C16orf74: variants seen among roughly 807,000 people sequenced by gnomAD.
The protein encoded by C16orf74 is calcimembrin.
In C16orf74, 10 loss-of-function variants were observed where a neutral mutation model predicts 6.5. That is an observed-to-expected ratio of 1.54 (90% CI 0.95 to 2.61). The LOEUF (loss-of-function observed/expected upper bound fraction) is 2.61, where lower values mean the gene tolerates loss of function less well. C16orf74 is among the 30% of genes most tolerant of loss of function. The pLI, the probability that C16orf74 is intolerant of heterozygous loss-of-function variation, is 0.00. For missense variants in C16orf74, 141 were observed against 105.9 expected, an observed-to-expected ratio of 1.33 and a Z score of -1.45; for synonymous variants, 60 against 42.5, an observed-to-expected ratio of 1.41 and a Z score of -1.60.
intron 1 of C16orf74, among the ~76,000 whole-genome samples, chr16:85,739,319 C>A (rs945470373): frequency 1.3e-5 from 2 of 152,226 alleles, no homozygotes; most frequent in Non-Finnish European, 2.9e-5. Context: ...ATTTTATCAT[C>A]TATTCCCTTT....
chr16:85,721,912 A>C (rs1164819352), intron 2 of C16orf74, among the ~76,000 whole-genome samples: 1 of 151,742 alleles, frequency 6.6e-6, no homozygotes, highest in African/African-American at 2.4e-5. Context: ...CCTACTGCAA[A>C]GGGGGTTATC....
Position 85,707,817 on chromosome 16 carries a change from G to T in C16orf74, c.*191C>A, listed in dbSNP as rs1276546067. 5.0e-6 allele frequency: 3 copies of T among 594,148 alleles called. No individual in the cohort carries two copies. Among genetic ancestry groups the T allele is most frequent in the East Asian group, 5.8e-5 (2 of 34,326 alleles). The allele number at this position is 594,148 out of a possible 1,614,324, so 36.8% of individuals were successfully genotyped here. Reference sequence around the variant, plus strand: ...GGTCCGGTCCACTCAGCGGGGCCTGGGAAACACTGTTCTGGAAGTGGACAG... The same window carrying T: ...GGTCCGGTCCACTCAGCGGGGCCTGTGAAACACTGTTCTGGAAGTGGACAG... On this transcript the variant is annotated 3_prime_UTR_variant, in exon 4 of 4. Coordinates refer to ENST00000284245, the MANE Select transcript of C16orf74 (RefSeq NM_206967.3).
intron 1 of C16orf74, among the ~76,000 whole-genome samples, chr16:85,746,456 G>T (rs1049932890): frequency 6.6e-6 from 1 of 152,144 alleles, no homozygotes; most frequent in Non-Finnish European, 1.5e-5. Flanking sequence ...GATTTCTAAC[G>T]TCTGGCTGTC....
Position 85,707,856 on chromosome 16 carries a change from C to T in C16orf74, c.*152G>A. 1.6e-6 allele frequency: 1 copy of T among 643,826 alleles called. No individual in the cohort carries two copies. Among genetic ancestry groups the T allele is most frequent in the Non-Finnish European group, 2.7e-6 (1 of 369,352 alleles). 39.9% of individuals were successfully genotyped at this position (643,826 alleles called of 1,614,324 possible). Reference sequence around the variant, plus strand: ...GGAAGTGGACAGGCTGGATTCCTCGCTGGTCCTGCCACGTCTCTCTGAGCG... The same window carrying T: ...GGAAGTGGACAGGCTGGATTCCTCGTTGGTCCTGCCACGTCTCTCTGAGCG... On this transcript the variant is annotated 3_prime_UTR_variant, in exon 4 of 4. Coordinates refer to ENST00000284245, the MANE Select transcript of C16orf74 (RefSeq NM_206967.3).
intron 1 of C16orf74, among the ~76,000 whole-genome samples, chr16:85,746,297 T>C (rs546955395): frequency 6.6e-5 from 10 of 152,236 alleles, no homozygotes; most frequent in African/African-American, 2.4e-4. Flanking sequence ...CTGCAGCTAG[T>C]GGAGATCGCG....
chr16:85,710,939 G>A (rs968672239), intron 2 of C16orf74: 6 of 152,236 alleles, frequency 3.9e-5, no homozygotes, highest in African/African-American at 1.2e-4. Context: ...TGAACACCTG[G>A]AGGACAGTCT....
intron 1 of C16orf74, among the ~76,000 whole-genome samples, chr16:85,744,438 T>G (rs942123662): frequency 6.6e-6 from 1 of 152,020 alleles, no homozygotes; most frequent in Non-Finnish European, 1.5e-5. Flanking sequence ...CATATTGAAT[T>G]GGGCTCTGTT....
chr16:85,751,073 C>G lies in C16orf74; in HGVS notation c.-166G>C, dbSNP rs1441138107. On this transcript the variant is annotated 5_prime_UTR_variant, in exon 1 of 4. Transcript: ENST00000284245. Reference sequence around the variant, plus strand: ...AGAGCAGCGGGGGTCATGGCCCGGCCGGCGCTCGGGCAGCCGCGCGCCTCC... The same window carrying G: ...AGAGCAGCGGGGGTCATGGCCCGGCGGGCGCTCGGGCAGCCGCGCGCCTCC... The G allele has an allele frequency of 6.8e-6, 1 of 148,074 alleles. No homozygotes were observed. Among genetic ancestry groups the G allele is most frequent in the East Asian group, 2.0e-4 (1 of 5,106 alleles). The allele number at this position is 148,074 out of a possible 1,614,324, so 9.2% of individuals were successfully genotyped here. A position where few individuals can be genotyped will look rare whatever the true frequency, so the allele number is the denominator to read the frequency against.
chr16:85,742,422 C>A (rs2054319126), intron 1 of C16orf74, among the ~76,000 whole-genome samples: 1 of 152,188 alleles, frequency 6.6e-6, no homozygotes, highest in African/African-American at 2.4e-5. Context: ...CTTGCTGCCA[C>A]CCTCTCGCCA....
chr16:85,732,485 G>A (rs558304593), intron 2 of C16orf74, among the ~76,000 whole-genome samples: 1 of 151,840 alleles, frequency 6.6e-6, no homozygotes, highest in Admixed American at 6.6e-5. Flanking sequence ...GGACAACATG[G>A]TGAAACCCCG....
chr16:85,714,401 ATTATTTATTTAT>A (rs199601898), intron 2 of C16orf74, among the ~76,000 whole-genome samples: 54 of 141,302 alleles, frequency 3.8e-4, no homozygotes, highest in Non-Finnish European at 6.4e-4. Context: ...TTATTTATTT[ATTATTTATTTAT>A]TTATTTATTT....
intron 2 of C16orf74, among the ~76,000 whole-genome samples, chr16:85,715,921 A>G (rs1163862655): frequency 6.6e-6 from 1 of 152,200 alleles, no homozygotes; most frequent in Non-Finnish European, 1.5e-5. Context: ...TCACGAAAGC[A>G]CTTCGCCCAG....
chr16:85,709,213 G>A (rs1185938750), intron 3 of C16orf74, among the ~76,000 whole-genome samples: 1 of 152,204 alleles, frequency 6.6e-6, no homozygotes, highest in Non-Finnish European at 1.5e-5. Flanking sequence ...AATTAGCTGG[G>A]CGTGGTGGCA....
At chr16:85,711,507 C>A (rs1238427900) in intron 2 of C16orf74, among the ~76,000 whole-genome samples, 1 of 151,338 alleles carries the variant, frequency 6.6e-6, no homozygotes, top group African/African-American at 2.4e-5. Flanking sequence ...CCTGTAATCC[C>A]AGCTACTCGG....
intron 2 of C16orf74, among the ~76,000 whole-genome samples, chr16:85,726,370 C>A (rs2054133036): frequency 6.6e-6 from 1 of 152,212 alleles, no homozygotes; most frequent in South Asian, 2.1e-4. Flanking sequence ...CTCCTCTGGG[C>A]TCTGTCCCGC....
chr16:85,730,245 C>T (rs1300404775), intron 2 of C16orf74, among the ~76,000 whole-genome samples: 2 of 152,150 alleles, frequency 1.3e-5, no homozygotes, highest in Admixed American at 6.5e-5. Context: ...CCCGTAACCA[C>T]GCCTCCAAAG....
intron 1 of C16orf74, among the ~76,000 whole-genome samples, chr16:85,743,122 A>G (rs1004108801): frequency 6.6e-6 from 1 of 152,066 alleles, no homozygotes; most frequent in Non-Finnish European, 1.5e-5. Context: ...TCCCTTTGAG[A>G]TCTGGGGCCA....
intron 3 of C16orf74, 52 bp downstream of exon 3, chr16:85,710,112 C>G: frequency 1.5e-6 from 2 of 1,366,844 alleles, no homozygotes; most frequent in Non-Finnish European, 1.9e-6. Flanking sequence ...AGAGCTGTCT[C>G]CACCGGGCCC....
intron 1 of C16orf74, among the ~76,000 whole-genome samples, chr16:85,742,802 A>G (rs1056665528): frequency 3.9e-5 from 6 of 152,116 alleles, no homozygotes; most frequent in African/African-American, 1.2e-4. Context: ...CAGCCTCCCA[A>G]AGTGCTGGGA....
Sources: allele counts gnomAD v4.1 joint callset (sites outside exome capture counted in the v4.1 genomes callset), GRCh38; gene constraint gnomAD v4.1.1; transcripts MANE v1.5; gene names NCBI Gene and HGNC (gene_info 2026-07-23, HGNC 2026-07-21).